ANK3: variants seen among roughly 807,000 people sequenced by gnomAD.
The protein encoded by ANK3 is ankyrin 3.
ANK3 carries 57 observed loss-of-function variants against 370.9 expected under a neutral mutation model. The ratio of observed to expected loss-of-function variants is 0.15; its 90% confidence interval spans 0.12 to 0.19. ANK3 has a LOEUF of 0.19. Ranked by LOEUF, ANK3 falls within the 10% of genes least tolerant of loss-of-function variation. ANK3 has a pLI of 1.00. For missense variants in ANK3, 4,439 were observed against 5,302.1 expected, an observed-to-expected ratio of 0.84 and a Z score of 5.06; for synonymous variants, 1,929 against 1,946.3, an observed-to-expected ratio of 0.99 and a Z score of 0.23.
chr10:60,227,491 A>G (rs1197158261), intron 8 of ANK3, among the ~76,000 whole-genome samples: 1 of 152,120 alleles, frequency 6.6e-6, no homozygotes, highest in Non-Finnish European at 1.5e-5. Context: ...GGAAGTAAAT[A>G]TAAACTTATT....
chr10:60,538,624 G>A (rs1362588904), intron 2 of ANK3, among the ~76,000 whole-genome samples: 2 of 151,758 alleles, frequency 1.3e-5, no homozygotes, highest in African/African-American at 4.8e-5. Flanking sequence ...CTCGACACTA[G>A]GCCAGATATG....
At chr10:60,297,913 C>T (rs1197757436) in intron 1 of ANK3, among the ~76,000 whole-genome samples, 5 of 152,058 alleles carry the variant, frequency 3.3e-5, no homozygotes, top group Non-Finnish European at 7.4e-5. Context: ...ATCCTACTTG[C>T]CCCCAATTTT....
intron 14 of ANK3, 105 bp from the exon 15 acceptor site, chr10:60,196,730 G>A (rs922490249): frequency 4.3e-6 from 3 of 692,042 alleles, no homozygotes; most frequent in African/African-American, 3.6e-5. Context: ...TATGACATAA[G>A]GGCACTGCTT....
chr10:60,312,114 A>G (rs2046470934), intron 1 of ANK3, among the ~76,000 whole-genome samples: 1 of 152,194 alleles, frequency 6.6e-6, no homozygotes, highest in African/African-American at 2.4e-5. Flanking sequence ...GGTTTTTGAG[A>G]GTAGTTAAAA....
chr10:60,331,887 G>A (rs1263435600), intron 1 of ANK3, among the ~76,000 whole-genome samples: 1 of 151,966 alleles, frequency 6.6e-6, no homozygotes, highest in Admixed American at 6.6e-5. Flanking sequence ...AATTACCTTT[G>A]CAGAGAAACC....
At chr10:60,410,367 G>A (rs1044611653) in intron 2 of ANK3, among the ~76,000 whole-genome samples, 2 of 152,076 alleles carry the variant, frequency 1.3e-5, no homozygotes, top group Non-Finnish European at 2.9e-5. Context: ...TTAGCTCCAT[G>A]GGGGGAAGGG....
intron 2 of ANK3, among the ~76,000 whole-genome samples, chr10:60,414,842 G>A (rs2063628535): frequency 1.3e-5 from 2 of 152,168 alleles, no homozygotes. Context: ...TAGCCTTAGC[G>A]TTCTCACCTT....
chr10:60,367,143 T>C (rs2059491165), intron 1 of ANK3, among the ~76,000 whole-genome samples: 1 of 151,954 alleles, frequency 6.6e-6, no homozygotes, highest in African/African-American at 2.4e-5. Context: ...AGCATTAGAG[T>C]TTCCTGGACC....
At chr10:60,495,981 C>A (rs1595145678) in intron 2 of ANK3, among the ~76,000 whole-genome samples, 3 of 147,590 alleles carry the variant, frequency 2.0e-5, no homozygotes, top group Admixed American at 6.8e-5. Flanking sequence ...TTTCATTTTT[C>A]TTTTTTTTTT....
intron 2 of ANK3, among the ~76,000 whole-genome samples, chr10:60,453,731 CACACACACAGACAG>C (rs1487868616): frequency 1.3e-5 from 2 of 151,976 alleles, no homozygotes; most frequent in African/African-American, 2.4e-5. Context: ...CACACAGGCA[CACACACACAGACAG>C]ACACACACAC....
chr10:60,652,817 T>A lies in ANK3; in HGVS notation c.58-37593A>T, dbSNP rs1262739433. Among the ~76,000 whole-genome samples, 3 of 151,624 alleles carry A rather than the reference T, an allele frequency of 2.0e-5. No individual in the cohort carries two copies. In the East Asian group the frequency reaches 5.8e-4, roughly 29 times the overall value. On this transcript the variant is annotated intron_variant, in intron 1 of 43. Coordinates refer to the ANK3 transcript ENST00000373827. ...GGCAGGATAAAGAACGAAACCAATA[T>A]CAAAAACTATACTACAGAAAGACTG...
chr10:60,503,578 T>A (rs2075860514), intron 2 of ANK3, among the ~76,000 whole-genome samples: 1 of 152,188 alleles, frequency 6.6e-6, no homozygotes. Context: ...CTACAGTGCC[T>A]GGAACCCAGG....
At chr10:60,298,689 T>C (rs1307183377) in intron 1 of ANK3, among the ~76,000 whole-genome samples, 2 of 152,174 alleles carry the variant, frequency 1.3e-5, no homozygotes, top group Non-Finnish European at 2.9e-5. Context: ...GCTTTCACCA[T>C]TTAGTTGATA....
chr10:60,167,109 T>G (rs1033349485), intron 21 of ANK3, among the ~76,000 whole-genome samples: 2 of 152,196 alleles, frequency 1.3e-5, no homozygotes, highest in South Asian at 4.1e-4. Context: ...GAAAGAATTC[T>G]AGTGGCAAAG....
rs150677657 is a variant in ANK3, at chr10:60,119,092, T to C, written c.2842-4761A>G. ...CAATATTTGTCCCAGATAGTAACACTTAAACATGTTTTTAGGTACCTTAGT... is the reference window on the plus strand; with the variant it reads ...CAATATTTGTCCCAGATAGTAACACCTAAACATGTTTTTAGGTACCTTAGT... On this transcript the variant is annotated intron_variant, in intron 25 of 43. Transcript: ENST00000280772. Among the ~76,000 whole-genome samples the C allele has an allele frequency of 3.7e-3, 566 of 152,358 alleles. 5 individuals are homozygous for C. The highest frequency in any genetic ancestry group is 0.011 in the African/African-American group (459 of 41,586).
At chr10:60,125,521 T>A (rs529828958) in intron 25 of ANK3, among the ~76,000 whole-genome samples, 2 of 152,366 alleles carry the variant, frequency 1.3e-5, no homozygotes, top group African/African-American at 4.8e-5. Flanking sequence ...ATATTAAATG[T>A]CACCAGTCAA....
At chr10:60,448,888 G>C (rs1435449789) in intron 2 of ANK3, among the ~76,000 whole-genome samples, 3 of 152,174 alleles carry the variant, frequency 2.0e-5, no homozygotes, top group Admixed American at 1.3e-4. Context: ...TTGGCCAATG[G>C]CTCCAACCTT....
At chr10:60,511,306 CTT>C (rs2076074014) in intron 2 of ANK3, among the ~76,000 whole-genome samples, 1 of 152,052 alleles carries the variant, frequency 6.6e-6, no homozygotes, top group Non-Finnish European at 1.5e-5. Context: ...CTTACTATGA[CTT>C]TAACTTTTAG....
intron 7 of ANK3, among the ~76,000 whole-genome samples, chr10:60,247,589 T>C (rs1365423834): frequency 2.6e-5 from 4 of 152,286 alleles, no homozygotes; most frequent in Admixed American, 1.3e-4. Context: ...ATAGATATTA[T>C]AGATACCTGT....
Sources: allele counts gnomAD v4.1 joint callset (sites outside exome capture counted in the v4.1 genomes callset), GRCh38; gene constraint gnomAD v4.1.1; transcripts MANE v1.5; gene names NCBI Gene and HGNC (gene_info 2026-07-23, HGNC 2026-07-21).